AXDND1: variants seen among roughly 807,000 people sequenced by gnomAD.
The protein encoded by AXDND1 is axonemal dynein light chain domain-containing protein 1.
AXDND1 carries 110 observed loss-of-function variants against 137.5 expected under a neutral mutation model. The ratio of observed to expected loss-of-function variants is 0.80; its 90% CI spans 0.69 to 0.94. The LOEUF (loss-of-function observed/expected upper bound fraction) is 0.94. Ranked by LOEUF, AXDND1 falls within the 40% of genes least tolerant of loss-of-function variation. The probability of loss-of-function intolerance (pLI) is 0.00; values close to 1 mark genes in which losing one functional copy is unlikely to be tolerated. For synonymous variants in AXDND1, 414 were observed against 399.7 expected (o/e 1.04, Z -0.43); for missense variants, 1,191 against 1,169.8 (o/e 1.02, Z -0.26).
At chr1:179,480,717 G>T (rs554947203) in intron 17 of AXDND1, among the ~76,000 whole-genome samples, 48 of 151,856 alleles carry the variant, frequency 3.2e-4, no homozygotes, top group Non-Finnish European at 5.1e-4. Flanking sequence ...TAGCAACTTT[G>T]GTTGCTACCC....
intron 18 of AXDND1, among the ~76,000 whole-genome samples, chr1:179,485,628 G>T (rs886398912): frequency 1.3e-5 from 2 of 152,168 alleles, no homozygotes; most frequent in African/African-American, 2.4e-5. Context: ...AACTCAAGAA[G>T]CCAGAGTGTC....
chr1:179,534,908 C>G lies in AXDND1; in HGVS notation c.2977C>G (p.Gln993Glu), dbSNP rs6658180. The G allele has an allele frequency of 0.36, 575,531 of 1,594,420 alleles. 101,786 individuals carry two copies. The highest frequency in any genetic ancestry group is 0.42 in the Admixed American group (24,603 of 58,324). Reference sequence around the variant, plus strand: ...AGAAGTAAAAGAAGAAGAAGAACAACAAGAAGAAGAAGAAGTCAGGTCAGC... The same window carrying G: ...AGAAGTAAAAGAAGAAGAAGAACAAGAAGAAGAAGAAGAAGTCAGGTCAGC... The part of the protein sequence containing the change: ...EREVKEEEEQ[Q>E]EEEEVRSAEN... The change falls in exon 25 of 26, where the codon CAA (glutamine) becomes GAA (glutamate). Residue 993 changes from glutamine (Q) to glutamate (E), a missense_variant. Physicochemically the swap from Gln to Glu is conservative, Grantham distance 29. Transcript: ENST00000367618.
chr1:179,485,829 A>G (rs938743324), intron 18 of AXDND1, among the ~76,000 whole-genome samples: 1 of 152,232 alleles, frequency 6.6e-6, no homozygotes, highest in East Asian at 1.9e-4. Context: ...CCATTATAAG[A>G]AAGAACCACC....
chr1:179,399,280 T>TA (rs1398077299), intron 11 of AXDND1, among the ~76,000 whole-genome samples: 6 of 152,254 alleles, frequency 3.9e-5, no homozygotes, highest in Admixed American at 1.3e-4. Flanking sequence ...CCCAAATACT[T>TA]ACAGCCAATT....
At chr1:179,486,156 A>G (rs1666048586) in intron 18 of AXDND1, among the ~76,000 whole-genome samples, 1 of 150,968 alleles carries the variant, frequency 6.6e-6, no homozygotes, top group African/African-American at 2.4e-5. Context: ...ATAGAAATGA[A>G]AAACACACTA....
At chr1:179,437,148 G>A (rs1159905662) in intron 15 of AXDND1, among the ~76,000 whole-genome samples, 2 of 151,778 alleles carry the variant, frequency 1.3e-5, no homozygotes, top group Non-Finnish European at 2.9e-5. Context: ...AGACCTAGGG[G>A]GACTGAACAA....
chr1:179,521,936 T>C (rs567906709), intron 21 of AXDND1, among the ~76,000 whole-genome samples: 1 of 152,182 alleles, frequency 6.6e-6, no homozygotes, highest in African/African-American at 2.4e-5. Flanking sequence ...ATTTTTAAGG[T>C]CGTCTTTTTG....
At chr1:179,480,607 A>G (rs1432047849) in intron 17 of AXDND1, among the ~76,000 whole-genome samples, 4 of 152,176 alleles carry the variant, frequency 2.6e-5, no homozygotes, top group African/African-American at 4.8e-5. Context: ...TACCTGGTGT[A>G]TATGTCACAC....
chr1:179,400,361 G>A (rs115067138), intron 11 of AXDND1, among the ~76,000 whole-genome samples: 63 of 152,172 alleles, frequency 4.1e-4, no homozygotes, highest in African/African-American at 1.3e-3. Context: ...TCACTGATAC[G>A]TGGGAGTTAA....
chr1:179,394,653 A>G (rs1650766659), intron 10 of AXDND1, among the ~76,000 whole-genome samples: 1 of 151,202 alleles, frequency 6.6e-6, no homozygotes, highest in African/African-American at 2.4e-5. Context: ...ACAGTGCCAT[A>G]ATTATGGATG....
intron 19 of AXDND1, among the ~76,000 whole-genome samples, chr1:179,492,449 AC>A (rs5779028): frequency 0.062 from 9,045 of 146,828 alleles, 307 homozygotes; most frequent in Non-Finnish European, 0.071. Context: ...AAAAAAAAAA[AC>A]AACAACCCAC....
At chr1:179,483,751 A>G (rs540406925) in intron 18 of AXDND1, among the ~76,000 whole-genome samples, 6 of 152,210 alleles carry the variant, frequency 3.9e-5, no homozygotes, top group Non-Finnish European at 8.8e-5. Flanking sequence ...AAGTGCCTTT[A>G]TATACCTCAA....
chr1:179,468,676 A>G (rs948283850), intron 17 of AXDND1, 35 bp downstream of exon 17: 1 of 1,534,582 alleles, frequency 6.5e-7, no homozygotes, highest in South Asian at 1.2e-5. Flanking sequence ...TTCTGAGATA[A>G]TTTTCCTAAA....
chr1:179,387,918 A>G (rs1305887514), intron 9 of AXDND1, among the ~76,000 whole-genome samples: 3 of 152,112 alleles, frequency 2.0e-5, no homozygotes, highest in Non-Finnish European at 4.4e-5. Flanking sequence ...TACTTAGCTG[A>G]ACACTTGAGG....
chr1:179,490,055 A>G (rs1666700820), intron 18 of AXDND1, among the ~76,000 whole-genome samples: 1 of 152,060 alleles, frequency 6.6e-6, no homozygotes, highest in Non-Finnish European at 1.5e-5. Flanking sequence ...AGGCTACTAC[A>G]TTTTATTTTT....
At chr1:179,470,241 G>A (rs12757240) in intron 17 of AXDND1, among the ~76,000 whole-genome samples, 21,003 of 152,080 alleles carry the variant, frequency 0.14, 1,595 homozygotes, top group East Asian at 0.35. Flanking sequence ...AAAGGAATGG[G>A]AAATGTGAGT....
At chr1:179,549,414 A>T (rs1672979626) in intron 25 of AXDND1, among the ~76,000 whole-genome samples, 1 of 152,134 alleles carries the variant, frequency 6.6e-6, no homozygotes, top group Non-Finnish European at 1.5e-5. Flanking sequence ...GCCCTCTGGC[A>T]TGCCAATGAG....
At chr1:179,479,641 G>A (rs1665101002) in intron 17 of AXDND1, among the ~76,000 whole-genome samples, 1 of 152,022 alleles carries the variant, frequency 6.6e-6, no homozygotes, top group Non-Finnish European at 1.5e-5. Context: ...GCTGGGCATG[G>A]TGGTGGGTGC....
chr1:179,411,230 T>C lies in AXDND1; in HGVS notation c.1194T>C (p.Asp398=). Residue 398 remains aspartate (D), a synonymous_variant, in exon 12 of 26, where the codon GAT becomes GAC. Transcript: ENST00000367618. ...NDMKKLVAER[D]IWSSATYELA... is the part of the protein sequence containing the mutation. ...TGAAAAAGTTAGTGGCAGAAAGAGA[T>C]ATCTGGAGCTCAGCCACATATGAAT... is the stretch of plus-strand genomic sequence containing the variant. The C allele has an allele frequency of 6.2e-7, 1 of 1,613,146 alleles. No individual in the cohort carries two copies. The highest frequency in any genetic ancestry group is 8.5e-7 in the Non-Finnish European group (1 of 1,179,668).
Sources: gnomAD v4.1 joint callset for allele counts (sites outside exome capture counted in the v4.1 genomes callset) on GRCh38, gnomAD v4.1.1 for gene constraint, MANE v1.5 for transcripts, NCBI Gene and HGNC (gene_info 2026-07-23, HGNC 2026-07-21) for gene names.